PARG: variants seen among roughly 807,000 people sequenced by gnomAD.
PARG encodes the protein poly(ADP-ribose) glycohydrolase.
PARG carries 35 observed loss-of-function variants against 113.0 expected under a neutral mutation model. The observed-to-expected ratio is 0.31, with a 90% confidence interval of 0.24 to 0.41. The LOEUF is 0.41. Ranked by LOEUF, PARG falls within the 10% of genes least tolerant of loss-of-function variation. PARG has a pLI of 1.00. For synonymous variants in PARG, 330 were observed against 409.9 expected, an observed-to-expected ratio of 0.81 and a Z score of 2.36; for missense variants, 797 against 1,169.4, an observed-to-expected ratio of 0.68 and a Z score of 4.64.
intron 8 of PARG, among the ~76,000 whole-genome samples, chr10:49,884,081 C>T (rs1847345068): frequency 1.3e-5 from 2 of 151,870 alleles, no homozygotes; most frequent in Non-Finnish European, 2.9e-5. Flanking sequence ...GTGTGTCCTT[C>T]AGCCCCAGGC....
In PARG at chr10:49,819,231, G is replaced by T; in HGVS notation, c.*109C>A. The T allele has an allele frequency of 1.1e-6, 1 of 874,342 alleles. No homozygotes were observed. The highest frequency in any genetic ancestry group is 1.7e-6 in the Non-Finnish European group (1 of 574,278). 54.2% of individuals were successfully genotyped at this position (874,342 alleles called of 1,614,324 possible). A position where few individuals can be genotyped will look rare whatever the true frequency, so the allele number is the denominator to read the frequency against. Reference sequence around the variant, plus strand: ...GATTGCGTCCTTGACTACAAATGTGGATTATGTACACATTTATATTAACTT... The same window carrying T: ...GATTGCGTCCTTGACTACAAATGTGTATTATGTACACATTTATATTAACTT... On this transcript the variant is annotated 3_prime_UTR_variant, in exon 18 of 18. Transcript: ENST00000616448.
chr10:49,839,750 C>T (rs1198610654), intron 15 of PARG, among the ~76,000 whole-genome samples: 4 of 152,206 alleles, frequency 2.6e-5, no homozygotes, highest in Non-Finnish European at 5.9e-5. Flanking sequence ...ATCTAGTTCT[C>T]ATAGAAAAGT....
At chr10:49,849,122 G>A (rs1845644497) in intron 13 of PARG, among the ~76,000 whole-genome samples, 1 of 151,862 alleles carries the variant, frequency 6.6e-6, no homozygotes, top group Admixed American at 6.6e-5. Context: ...TTGAACCTGG[G>A]AGGCAGAGGT....
chr10:49,908,648 T>C (rs1248385342), intron 7 of PARG: 7 of 152,218 alleles, frequency 4.6e-5, no homozygotes, highest in Non-Finnish European at 1.0e-4. Context: ...ACAAAGATAC[T>C]TGATATTTTT....
chr10:49,929,030 T>C (rs1241477778), intron 4 of PARG, among the ~76,000 whole-genome samples: 2 of 152,356 alleles, frequency 1.3e-5, no homozygotes, highest in Non-Finnish European at 2.9e-5. Flanking sequence ...TTTTTTACAA[T>C]AGTCTTGCAT....
intron 12 of PARG, among the ~76,000 whole-genome samples, chr10:49,861,100 TGA>T (rs1161939262): frequency 6.6e-6 from 1 of 152,182 alleles, no homozygotes; most frequent in Non-Finnish European, 1.5e-5. Context: ...CTGTTACATA[TGA>T]GAGAGAGGCC....
At chr10:49,861,535 G>C in intron 12 of PARG, 53 bp downstream of exon 12, 2 of 716,372 alleles carry the variant, frequency 2.8e-6, no homozygotes, top group Non-Finnish European at 5.1e-6. Flanking sequence ...GCTGTCAGAA[G>C]CTTGACAAGA....
chr10:49,820,192 AAAT>A lies in PARG; in HGVS notation c.2746_2748del (p.Ile916del), dbSNP rs1232559514. On this transcript the variant is annotated inframe_deletion, in exon 17 of 18. Coordinates refer to ENST00000616448, the MANE Select transcript of PARG (RefSeq NM_003631.5). ...ACAGTGAGTTTCCTTTCAGTAAGGA[AAAT>A]GTGCATGCTGTAAATGTCTCTCATC... is the stretch of plus-strand genomic sequence containing the variant. The A allele has an allele frequency of 6.5e-7, 1 of 1,547,234 alleles. No homozygotes were observed. Among genetic ancestry groups the A allele is most frequent in the Non-Finnish European group, 8.7e-7 (1 of 1,143,020 alleles).
chr10:49,890,885 G>A (rs1847741349), intron 7 of PARG, among the ~76,000 whole-genome samples: 2 of 152,218 alleles, frequency 1.3e-5, no homozygotes, highest in Admixed American at 1.3e-4. Flanking sequence ...CATATGGAAA[G>A]TATTAAATAT....
At chr10:49,832,976 C>T in intron 15 of PARG, 68 bp from the exon 16 acceptor site, 3 of 756,372 alleles carry the variant, frequency 4.0e-6, no homozygotes, top group South Asian at 1.9e-5. Flanking sequence ...GACTGATGTA[C>T]TAGGATCAGT....
chr10:49,895,505 G>A (rs1281200451), intron 7 of PARG, among the ~76,000 whole-genome samples: 1 of 151,894 alleles, frequency 6.6e-6, no homozygotes, highest in Admixed American at 6.6e-5. Context: ...CTGGGTTCAA[G>A]CAATTCTCCT....
Position 49,841,903 on chromosome 10 carries a change from T to C in PARG, c.2541+47A>G, listed in dbSNP as rs145738593. 1,070 of 1,201,934 alleles carry C rather than the reference T, an allele frequency of 8.9e-4. 11 individuals carry two copies. The African/African-American group carries it at 0.015, about 16-fold the overall frequency. 74.5% of individuals were successfully genotyped at this position (1,201,934 alleles called of 1,614,324 possible). ...AATTTCAGCATTAATAAAATGGCAG[T>C]AAATAGATGACAGCTGCCAGATGAA... On this transcript the variant is annotated intron_variant, in intron 15 of 17. Coordinates refer to ENST00000616448, the MANE Select transcript of PARG (RefSeq NM_003631.5).
At chr10:49,838,156 C>T (rs1004144731) in intron 15 of PARG, among the ~76,000 whole-genome samples, 7 of 152,188 alleles carry the variant, frequency 4.6e-5, no homozygotes, top group African/African-American at 9.6e-5. Flanking sequence ...TTTGGCTGGG[C>T]GCAGTGCCTC....
chr10:49,886,968 T>C (rs1476728073), intron 7 of PARG, among the ~76,000 whole-genome samples: 1 of 152,180 alleles, frequency 6.6e-6, no homozygotes, highest in Non-Finnish European at 1.5e-5. Flanking sequence ...GGCTTCTCTA[T>C]ATCTGAAATG....
chr10:49,917,079 A>G (rs546357808), intron 6 of PARG, among the ~76,000 whole-genome samples: 1 of 151,694 alleles, frequency 6.6e-6, no homozygotes, highest in South Asian at 2.1e-4. Flanking sequence ...TAAGAAAAGA[A>G]AAGAGAAGAG....
chr10:49,891,009 C>T (rs1213098586), intron 7 of PARG, among the ~76,000 whole-genome samples: 4 of 152,142 alleles, frequency 2.6e-5, no homozygotes, highest in African/African-American at 9.7e-5. Flanking sequence ...CAGTTTAGGG[C>T]AAACAGCTTT....
chr10:49,905,641 C>A (rs1266323239), intron 7 of PARG, among the ~76,000 whole-genome samples: 1 of 152,226 alleles, frequency 6.6e-6, no homozygotes, highest in African/African-American at 2.4e-5. Context: ...ATATAATACG[C>A]AGTACATTCC....
chr10:49,935,455 C>G (rs1350267966), intron 1 of PARG, among the ~76,000 whole-genome samples: 1 of 152,228 alleles, frequency 6.6e-6, no homozygotes, highest in East Asian at 1.9e-4. Context: ...GGTCATTTCT[C>G]TGTATCTCAG....
intron 7 of PARG, among the ~76,000 whole-genome samples, chr10:49,900,457 G>A (rs1413633628): frequency 2.0e-5 from 3 of 150,722 alleles, no homozygotes; most frequent in South Asian, 4.2e-4. Flanking sequence ...AACAAAATAT[G>A]CCTCTAATCA....
Sources: allele counts gnomAD v4.1 joint callset (sites outside exome capture counted in the v4.1 genomes callset), GRCh38; gene constraint gnomAD v4.1.1; transcripts MANE v1.5; gene names NCBI Gene and HGNC (gene_info 2026-07-23, HGNC 2026-07-21).